STX7: variants seen among roughly 807,000 people sequenced by gnomAD.
STX7 encodes the protein syntaxin 7, also known as syntaxin-7.
STX7 carries 34 observed loss-of-function variants against 39.6 expected under a neutral mutation model. The ratio of observed to expected loss-of-function variants is 0.86; its 90% CI spans 0.65 to 1.14. The LOEUF is 1.14. STX7 is among the 50% of genes most tolerant of loss of function. The pLI is 0.00. For synonymous variants in STX7, 119 were observed against 99.1 expected (o/e 1.20, Z -1.19); for missense variants, 284 against 310.4 (o/e 0.92, Z 0.64).
chr6:132,465,803 T>C (rs191811046), intron 8 of STX7, among the ~76,000 whole-genome samples: 80 of 152,298 alleles, frequency 5.3e-4, no homozygotes, highest in African/African-American at 1.6e-3. Flanking sequence ...GGAAGAACTA[T>C]ATACCCCGAG....
At chr6:132,488,900 G>GT (rs1775207338) in intron 2 of STX7, among the ~76,000 whole-genome samples, 2 of 151,980 alleles carry the variant, frequency 1.3e-5, no homozygotes, top group Non-Finnish European at 2.9e-5. Flanking sequence ...GTGGTTTGGA[G>GT]TGTTAAACAA....
Position 132,460,456 on chromosome 6 carries a change from T to A in STX7, c.*302A>T, listed in dbSNP as rs866810204. ...CTTTAAATTTACGAATTCCCAAAACTAAGTCAAGCAGGGTAAATAAATTAT... is the reference window on the plus strand; with the variant it reads ...CTTTAAATTTACGAATTCCCAAAACAAAGTCAAGCAGGGTAAATAAATTAT... On this transcript the variant is annotated 3_prime_UTR_variant, in exon 10 of 10. Transcript: ENST00000367941. 3.5e-5 allele frequency: 7 copies of A among 199,058 alleles called. No individual in the cohort carries two copies. Among genetic ancestry groups the A allele is most frequent in the South Asian group, 3.0e-4 (2 of 6,680 alleles). 12.3% of individuals were successfully genotyped at this position (199,058 alleles called of 1,614,324 possible). A position where few individuals can be genotyped will look rare whatever the true frequency, so the allele number is the denominator to read the frequency against.
At chr6:132,498,891 TAC>T in intron 2 of STX7, among the ~76,000 whole-genome samples, 1 of 152,330 alleles carries the variant, frequency 6.6e-6, no homozygotes, top group Non-Finnish European at 1.5e-5. Context: ...TTAGAAAAAG[TAC>T]AGTGATGACT....
chr6:132,463,916 C>T, intron 9 of STX7, 77 bp downstream of exon 9: 3 of 1,394,356 alleles, frequency 2.2e-6, no homozygotes, highest in Non-Finnish European at 2.0e-6. Flanking sequence ...TAATCTCTCC[C>T]TGCTTCCTCA....
chr6:132,488,928 G>A (rs1179634410), intron 2 of STX7, among the ~76,000 whole-genome samples: 1 of 152,044 alleles, frequency 6.6e-6, no homozygotes, highest in Non-Finnish European at 1.5e-5. Flanking sequence ...TAGGCCAGGC[G>A]CAGTGGCTCG....
chr6:132,481,167 C>G (rs939813485), intron 2 of STX7, among the ~76,000 whole-genome samples: 4 of 151,954 alleles, frequency 2.6e-5, no homozygotes, highest in African/African-American at 9.7e-5. Context: ...TGTTTTTAAG[C>G]TTAGGTATGA....
chr6:132,498,563 G>A (rs1265134553), intron 2 of STX7, among the ~76,000 whole-genome samples: 1 of 152,094 alleles, frequency 6.6e-6, no homozygotes, highest in African/African-American at 2.4e-5. Flanking sequence ...CTAATTACAG[G>A]TTACCTTACT....
intron 2 of STX7, among the ~76,000 whole-genome samples, chr6:132,479,086 T>A (rs1774950123): frequency 6.6e-6 from 1 of 152,284 alleles, no homozygotes; most frequent in Admixed American, 6.5e-5. Context: ...CAGGGCAGTG[T>A]TTCCTCAGTG....
At chr6:132,486,897 C>A (rs1368583675) in intron 2 of STX7, among the ~76,000 whole-genome samples, 1 of 152,122 alleles carries the variant, frequency 6.6e-6, no homozygotes, top group Non-Finnish European at 1.5e-5. Context: ...GAACTCCCGA[C>A]ATCAGGTGAT....
At chr6:132,479,978 T>A (rs1774976657) in intron 2 of STX7, among the ~76,000 whole-genome samples, 1 of 152,186 alleles carries the variant, frequency 6.6e-6, no homozygotes, top group South Asian at 2.1e-4. Flanking sequence ...GCTCCTTCCA[T>A]CTTGGAGGAG....
At chr6:132,486,970 T>G (rs1036615595) in intron 2 of STX7, among the ~76,000 whole-genome samples, 8 of 145,226 alleles carry the variant, frequency 5.5e-5, no homozygotes, top group African/African-American at 2.3e-4. Flanking sequence ...CCCAGCCTAG[T>G]AGTGTTCTCT....
intron 2 of STX7, among the ~76,000 whole-genome samples, chr6:132,492,285 TC>T (rs1775309163): frequency 6.6e-6 from 1 of 152,182 alleles, no homozygotes; most frequent in Non-Finnish European, 1.5e-5. Context: ...GTATGGTCCA[TC>T]CCAACTCCCC....
chr6:132,499,048 T>A (rs1775487454), intron 2 of STX7, among the ~76,000 whole-genome samples: 1 of 152,198 alleles, frequency 6.6e-6, no homozygotes, highest in Non-Finnish European at 1.5e-5. Context: ...AAATCTCCCA[T>A]GTTTGCCCAC....
At chr6:132,473,510 T>A (rs1221610682) in intron 3 of STX7, among the ~76,000 whole-genome samples, 2 of 135,396 alleles carry the variant, frequency 1.5e-5, no homozygotes, top group African/African-American at 5.4e-5. Flanking sequence ...TTTTTTTTTA[T>A]TATTGTGTTG....
At position 132,460,745 on chromosome 6, in the gene STX7, C is replaced by T. The variant is rs1229475454; in HGVS notation, c.*13G>A. 5 of 1,582,920 alleles carry T rather than the reference C, an allele frequency of 3.2e-6. No individual in the cohort carries two copies. The highest frequency in any genetic ancestry group is 3.5e-6 in the Non-Finnish European group (4 of 1,154,232). ...TTAGACAATGTAGTGCGACAGTGTGCTCCTTTATAACTTCAGTGGTTCAAT... is the reference window on the plus strand; with the variant it reads ...TTAGACAATGTAGTGCGACAGTGTGTTCCTTTATAACTTCAGTGGTTCAAT... On this transcript the variant is annotated 3_prime_UTR_variant, in exon 10 of 10. Coordinates refer to ENST00000367941, the MANE Select transcript of STX7 (RefSeq NM_003569.3).
At position 132,449,087 on chromosome 6, in the gene STX7, G is replaced by A. The variant is rs537259496; in HGVS notation, c.*11671C>T. The A allele has an allele frequency of 2.9e-3, 442 of 151,276 alleles. 6 individuals are homozygous for A. The highest frequency in any genetic ancestry group is 3.9e-3 in the Non-Finnish European group (263 of 68,050). 9.4% of individuals were successfully genotyped at this position (151,276 alleles called of 1,614,324 possible). A position where few individuals can be genotyped will look rare whatever the true frequency, so the allele number is the denominator to read the frequency against. ...ACTGCAGCCTTGAACTCCTGGGCTC[G>A]TGTGATCCTCCCTCCTCAGCCTCTT... is the stretch of plus-strand genomic sequence containing the variant. On this transcript the variant is annotated 3_prime_UTR_variant, in exon 10 of 10. Coordinates refer to ENST00000367941, the MANE Select transcript of STX7 (RefSeq NM_003569.3).
intron 8 of STX7, among the ~76,000 whole-genome samples, chr6:132,464,939 C>T (rs1774524495): frequency 6.6e-6 from 1 of 152,134 alleles, no homozygotes; most frequent in Non-Finnish European, 1.5e-5. Context: ...TTGTCTCTTC[C>T]TCCCTACCAG....
chr6:132,469,991 C>T lies in STX7; in HGVS notation c.497G>A (p.Arg166His), dbSNP rs746775126. ...QDEEITEDDL[R>H]LIHERESSIR... ...AGAAGATTCTCTCTCATGAATAAGA[C>T]GGAGGTCATCCTCTGTAATTTCTTC... is the stretch of plus-strand genomic sequence containing the variant. The change falls in exon 7 of 10, where the codon CGT (arginine) becomes CAT (histidine). Residue 166 changes from arginine (R) to histidine (H), a missense_variant. Arg to His is a conservative substitution (Grantham distance 29, BLOSUM62 0). Transcript: ENST00000367941. 35 of 1,600,078 alleles carry T rather than the reference C, an allele frequency of 2.2e-5. No homozygotes were observed. Among genetic ancestry groups the T allele is most frequent in the Admixed American group, 1.8e-4 (10 of 57,112 alleles).
chr6:132,500,366 C>T (rs35177205), intron 2 of STX7, among the ~76,000 whole-genome samples: 28 of 152,196 alleles, frequency 1.8e-4, no homozygotes, highest in Non-Finnish European at 2.8e-4. Flanking sequence ...TTCAGCCACA[C>T]TAGCTTTTTC....
Sources: gnomAD v4.1 joint callset for allele counts (sites outside exome capture counted in the v4.1 genomes callset) on GRCh38, gnomAD v4.1.1 for gene constraint, MANE v1.5 for transcripts, NCBI Gene and HGNC (gene_info 2026-07-23, HGNC 2026-07-21) for gene names.